WDFY2: variants seen among roughly 807,000 people sequenced by gnomAD.
The protein encoded by WDFY2 is WD repeat and FYVE domain containing 2.
In WDFY2, 36 loss-of-function variants were observed where a neutral mutation model predicts 56.4. The observed-to-expected ratio is 0.64, with a 90% confidence interval of 0.49 to 0.84. WDFY2 has a LOEUF of 0.84. Ranked by LOEUF, WDFY2 falls within the 40% of genes least tolerant of loss-of-function variation. WDFY2 has a pLI of 0.00. For missense variants in WDFY2, 444 were observed against 512.2 expected (o/e 0.87, Z 1.29); for synonymous variants, 176 against 183.7 (o/e 0.96, Z 0.34).
At chr13:51,677,641 A>G (rs1013848211) in intron 3 of WDFY2, among the ~76,000 whole-genome samples, 1 of 152,232 alleles carries the variant, frequency 6.6e-6, no homozygotes, top group Non-Finnish European at 1.5e-5. Flanking sequence ...GAATAAAAAG[A>G]ACACATTGTG....
intron 1 of WDFY2, among the ~76,000 whole-genome samples, chr13:51,641,564 C>T (rs995104753): frequency 3.3e-5 from 5 of 151,410 alleles, no homozygotes; most frequent in Non-Finnish European, 7.4e-5. Flanking sequence ...CGGTGGCTCA[C>T]GCCTGTAATC....
At chr13:51,655,479 C>T (rs1020487170) in intron 1 of WDFY2, among the ~76,000 whole-genome samples, 23 of 151,402 alleles carry the variant, frequency 1.5e-4, no homozygotes, top group African/African-American at 4.1e-4. Flanking sequence ...ATTAATGTGC[C>T]GTATCACATT....
chr13:51,670,662 A>T (rs545875698), intron 2 of WDFY2, among the ~76,000 whole-genome samples: 1 of 152,264 alleles, frequency 6.6e-6, no homozygotes, highest in Admixed American at 6.5e-5. Context: ...GTTCAGGCAT[A>T]TAGGTTGTAG....
At chr13:51,612,448 C>T (rs1954520997) in intron 1 of WDFY2, among the ~76,000 whole-genome samples, 1 of 152,182 alleles carries the variant, frequency 6.6e-6, no homozygotes. Flanking sequence ...TGAACACTTT[C>T]AAATTGTGTT....
rs557181124 is a variant in WDFY2, at chr13:51,652,057, C to CT, written c.138-8538dup. The stretch of plus-strand genomic sequence containing the variant: ...GGAGTCTACATCTCTCTGTAGGTCT[C>CT]TAAGGACTTGCTTTATGTATCTGGG... On this transcript the variant is annotated intron_variant, in intron 1 of 11. Coordinates refer to ENST00000298125, the MANE Select transcript of WDFY2 (RefSeq NM_052950.4). 1.2e-4 allele frequency among the ~76,000 whole-genome samples: 19 copies of CT among 152,308 alleles called. No homozygotes were observed. The South Asian group carries it at 3.9e-3, about 32-fold the overall frequency.
rs187137131 is a variant in WDFY2, at chr13:51,617,954, A to C, written c.137+33130A>C. On this transcript the variant is annotated intron_variant, in intron 1 of 11. Transcript: ENST00000298125. ...TGCCCATTTGTTTCTATTTACTGTT[A>C]ATTTCAGCCATCATTATTCAGCAGC... is the stretch of plus-strand genomic sequence containing the variant. Among the ~76,000 whole-genome samples the C allele has an allele frequency of 3.6e-3, 555 of 152,334 alleles. 4 individuals are homozygous for C. Among genetic ancestry groups the C allele is most frequent in the African/African-American group, 0.013 (535 of 41,578 alleles).
intron 1 of WDFY2, among the ~76,000 whole-genome samples, chr13:51,600,247 CT>C (rs768106385): frequency 2.6e-5 from 4 of 152,130 alleles, no homozygotes; most frequent in Non-Finnish European, 5.9e-5. Flanking sequence ...CAGTTGTGTC[CT>C]AATGATATAT....
intron 1 of WDFY2, among the ~76,000 whole-genome samples, chr13:51,650,363 G>C (rs1373252262): frequency 6.6e-6 from 1 of 152,166 alleles, no homozygotes; most frequent in African/African-American, 2.4e-5. Flanking sequence ...TCTGCAAACA[G>C]GGACAGTTTA....
At chr13:51,680,117 T>G (rs1308230564) in intron 3 of WDFY2, among the ~76,000 whole-genome samples, 1 of 152,008 alleles carries the variant, frequency 6.6e-6, no homozygotes, top group Non-Finnish European at 1.5e-5. Context: ...TTTGTTTGTT[T>G]TAGAAACAGG....
chr13:51,739,007 TCTTAC>T (rs1952903712), intron 6 of WDFY2, 37 bp from the exon 7 acceptor site: 5 of 1,505,416 alleles, frequency 3.3e-6, no homozygotes, highest in Non-Finnish European at 4.5e-6. Context: ...TGGGTAAGAG[TCTTAC>T]CTTGTGACTG....
intron 1 of WDFY2, among the ~76,000 whole-genome samples, chr13:51,604,275 T>G (rs1954343152): frequency 6.6e-6 from 1 of 152,194 alleles, no homozygotes; most frequent in Non-Finnish European, 1.5e-5. Flanking sequence ...CTCAGTGACC[T>G]CCCTCATCTT....
chr13:51,674,501 C>T (rs1955855072), intron 2 of WDFY2, among the ~76,000 whole-genome samples: 1 of 152,128 alleles, frequency 6.6e-6, no homozygotes, highest in Non-Finnish European at 1.5e-5. Context: ...CAGGGAGAAC[C>T]AGTCCAGGCC....
At position 51,682,638 on chromosome 13, in the gene WDFY2, T is replaced by C. The variant is rs1237954078; in HGVS notation, c.279+7395T>C. ...CTCTGTGTCTCAGTTTCCTTATCTG[T>C]AAAATGGGAGTAATAGTTGTACCAA... On this transcript the variant is annotated intron_variant, in intron 3 of 11. Coordinates refer to ENST00000298125, the MANE Select transcript of WDFY2 (RefSeq NM_052950.4). Among the ~76,000 whole-genome samples the C allele has an allele frequency of 2.0e-5, 3 of 152,194 alleles. No homozygotes were observed. In the East Asian group the frequency reaches 5.8e-4, roughly 29 times the overall value.
chr13:51,684,895 T>C (rs1956036441), intron 3 of WDFY2, among the ~76,000 whole-genome samples: 1 of 152,172 alleles, frequency 6.6e-6, no homozygotes, highest in Non-Finnish European at 1.5e-5. Context: ...CTCCAGCTGC[T>C]CCGCCGTCAG....
chr13:51,636,502 A>G (rs535555840), intron 1 of WDFY2, among the ~76,000 whole-genome samples: 15 of 152,324 alleles, frequency 9.8e-5, no homozygotes, highest in Non-Finnish European at 2.1e-4. Context: ...CTTTTTAATG[A>G]CGGAAAGCAA....
intron 1 of WDFY2, among the ~76,000 whole-genome samples, chr13:51,645,028 T>C (rs1227838725): frequency 6.6e-6 from 1 of 152,232 alleles, no homozygotes; most frequent in Non-Finnish European, 1.5e-5. Context: ...AGTTTGTTTT[T>C]ATTACAAGTA....
intron 3 of WDFY2, among the ~76,000 whole-genome samples, chr13:51,678,028 A>G (rs1397350313): frequency 1.3e-5 from 2 of 152,210 alleles, no homozygotes; most frequent in Non-Finnish European, 2.9e-5. Context: ...TTCTAATCAT[A>G]TAGCTCAGAA....
chr13:51,727,801 C>T lies in WDFY2; in HGVS notation c.598+11C>T. 6.2e-7 allele frequency: 1 copy of T among 1,612,374 alleles called. No individual in the cohort carries two copies. The highest frequency in any genetic ancestry group is 8.5e-7 in the Non-Finnish European group (1 of 1,178,740). On this transcript the variant is annotated intron_variant, in intron 6 of 11. Transcript: ENST00000298125. ...TCAGAGGACACACAGGTAGGATTAA[C>T]AGTAAAATCGTCATGTGCTGATAGC... is the stretch of plus-strand genomic sequence containing the variant.
chr13:51,660,204 T>C (rs1955584585), intron 1 of WDFY2, among the ~76,000 whole-genome samples: 1 of 152,004 alleles, frequency 6.6e-6, no homozygotes, highest in Non-Finnish European at 1.5e-5. Flanking sequence ...CTCTCTCTTA[T>C]GTTTTTTTTT....
Sources: gnomAD v4.1 joint callset for allele counts (sites outside exome capture counted in the v4.1 genomes callset) on GRCh38, gnomAD v4.1.1 for gene constraint, MANE v1.5 for transcripts, NCBI Gene and HGNC (gene_info 2026-07-23, HGNC 2026-07-21) for gene names.